The following ANKS1B variants were observed in gnomAD, a reference collection of about 807,000 sequenced individuals.
ANKS1B encodes ankyrin repeat and sterile alpha motif domain-containing protein 1B.
A neutral mutation model predicts 148.3 loss-of-function variants in ANKS1B; 36 were observed. The observed-to-expected ratio is 0.24, with a 90% CI of 0.19 to 0.32. ANKS1B has a LOEUF of 0.32. Among genes scored for constraint, ANKS1B ranks in the 10% least tolerant of loss-of-function variants. The probability of loss-of-function intolerance (pLI) is 1.00; values close to 1 mark genes in which losing one functional copy is unlikely to be tolerated. For synonymous variants in ANKS1B, 542 were observed against 560.8 expected, an observed-to-expected ratio of 0.97 and a Z score of 0.47; for missense variants, 1,157 against 1,542.6, an observed-to-expected ratio of 0.75 and a Z score of 4.19.
chr12:98,829,335 T>C lies in ANKS1B; in HGVS notation c.2905A>G (p.Thr969Ala), dbSNP rs1224773190. The stretch of plus-strand genomic sequence containing the variant: ...AGTGATGGAGACAACTGAGGAGGAG[T>C]GTGATTACCACTGGGTTCCTGAATG... ...ITLREPSGNHTPPQLSPSLSQ... is the reference protein window; with the variant it reads ...ITLREPSGNHAPPQLSPSLSQ... The change falls in exon 19 of 27, where the codon ACT (threonine) becomes GCT (alanine). Residue 969 changes from threonine to alanine, a missense_variant. Thr to Ala is a moderately conservative substitution (Grantham distance 58, BLOSUM62 0). Coordinates refer to ENST00000683438, the MANE Select transcript of ANKS1B (RefSeq NM_001352186.2). This position sits in a 1 kb window ranked among gnomAD's most constrained non-coding sequence, Gnocchi z 5.2. 6.2e-7 allele frequency: 1 copy of C among 1,613,606 alleles called. No homozygotes were observed. Among genetic ancestry groups the C allele is most frequent in the Non-Finnish European group, 8.5e-7 (1 of 1,179,736 alleles).
intron 12 of ANKS1B, among the ~76,000 whole-genome samples, chr12:99,378,471 T>C (rs1403380990): frequency 2.0e-5 from 3 of 151,622 alleles, no homozygotes; most frequent in Non-Finnish European, 2.9e-5. Context: ...CTGGCCAACA[T>C]GGTGAAACCC....
At chr12:99,812,055 C>T in intron 3 of ANKS1B, 100 bp downstream of exon 3, 2 of 1,389,678 alleles carry the variant, frequency 1.4e-6, no homozygotes, top group Non-Finnish European at 1.9e-6. Flanking sequence ...AATGGAAAGG[C>T]CTTTGGGCAA....
At chr12:99,040,931 T>A (rs1293712863) in intron 17 of ANKS1B, among the ~76,000 whole-genome samples, 1 of 151,968 alleles carries the variant, frequency 6.6e-6, no homozygotes, top group Non-Finnish European at 1.5e-5. Context: ...TAGCTCCGAG[T>A]CCCCAGTCTC....
intron 14 of ANKS1B, among the ~76,000 whole-genome samples, chr12:99,218,733 G>A (rs559147934): frequency 7.2e-5 from 11 of 152,158 alleles, no homozygotes; most frequent in African/African-American, 2.7e-4. Context: ...TCTGTAAAGT[G>A]GGAGTAACAC....
chr12:99,916,192 C>T (rs1413643622), intron 1 of ANKS1B, among the ~76,000 whole-genome samples: 2 of 152,186 alleles, frequency 1.3e-5, no homozygotes, highest in Non-Finnish European at 2.9e-5. Flanking sequence ...CAAGGGGAGG[C>T]TAAGTCCTCT....
chr12:98,847,544 T>C (rs2099487639), intron 17 of ANKS1B, among the ~76,000 whole-genome samples: 1 of 152,226 alleles, frequency 6.6e-6, no homozygotes, highest in South Asian at 2.1e-4. Flanking sequence ...CTTAGGACAT[T>C]GTGACTAATG....
chr12:98,915,544 GC>G (rs1368023069), intron 17 of ANKS1B, among the ~76,000 whole-genome samples: 1 of 152,044 alleles, frequency 6.6e-6, no homozygotes, highest in African/African-American at 2.4e-5. Flanking sequence ...GTAGGGACGG[GC>G]TTTCACCATG....
intron 15 of ANKS1B, among the ~76,000 whole-genome samples, chr12:99,122,221 T>C (rs1020496033): frequency 6.6e-6 from 1 of 152,142 alleles, no homozygotes; most frequent in African/African-American, 2.4e-5. Context: ...TGAGACTTAA[T>C]AGATAAATGT....
intron 15 of ANKS1B, among the ~76,000 whole-genome samples, chr12:99,116,033 A>G (rs894713058): frequency 3.3e-5 from 5 of 151,928 alleles, no homozygotes; most frequent in African/African-American, 1.2e-4. Context: ...TAGATTACTT[A>G]ATCTCTCTGT....
At chr12:99,930,095 G>A (rs1453459534) in intron 1 of ANKS1B, among the ~76,000 whole-genome samples, 1 of 151,738 alleles carries the variant, frequency 6.6e-6, no homozygotes, top group East Asian at 1.9e-4. Context: ...GGGCCGTATG[G>A]CCATTTTCAC....
chr12:99,358,867 A>G (rs993007064), intron 12 of ANKS1B, among the ~76,000 whole-genome samples: 2 of 152,154 alleles, frequency 1.3e-5, no homozygotes, highest in South Asian at 4.1e-4. Flanking sequence ...AGGTAGAACT[A>G]AACAAACAAG....
At chr12:99,904,425 C>T (rs1382727923) in intron 1 of ANKS1B, among the ~76,000 whole-genome samples, 1 of 152,168 alleles carries the variant, frequency 6.6e-6, no homozygotes, top group Middle Eastern at 3.2e-3. Flanking sequence ...TGCCTGACCT[C>T]AGGTGATCCG....
At chr12:99,699,284 TTTTC>T (rs1178320875) in intron 8 of ANKS1B, among the ~76,000 whole-genome samples, 1 of 152,142 alleles carries the variant, frequency 6.6e-6, no homozygotes, top group Non-Finnish European at 1.5e-5. Context: ...TCCATGTGTT[TTTTC>T]TTTCTAAAAT....
intron 12 of ANKS1B, among the ~76,000 whole-genome samples, chr12:99,326,216 C>T (rs1402283780): frequency 6.6e-6 from 1 of 152,008 alleles, no homozygotes; most frequent in African/African-American, 2.4e-5. Flanking sequence ...ACCATATCAA[C>T]CAGTCAAGAG....
intron 9 of ANKS1B, among the ~76,000 whole-genome samples, chr12:99,629,811 C>T (rs2098140949): frequency 1.3e-5 from 2 of 151,974 alleles, no homozygotes; most frequent in Admixed American, 1.3e-4. Flanking sequence ...ATGCTATGTG[C>T]TTTAAAAACA....
At chr12:99,583,336 T>C (rs2097589069) in intron 9 of ANKS1B, among the ~76,000 whole-genome samples, 2 of 152,188 alleles carry the variant, frequency 1.3e-5, no homozygotes, top group Admixed American at 1.3e-4. Flanking sequence ...AACTGTCATT[T>C]CTTAAAAGTA....
intron 10 of ANKS1B, among the ~76,000 whole-genome samples, chr12:99,490,240 A>G (rs1595788549): frequency 6.6e-6 from 1 of 152,222 alleles, no homozygotes; most frequent in African/African-American, 2.4e-5. Flanking sequence ...ATGAAAAGAG[A>G]TGGTTCTGAA....
intron 12 of ANKS1B, among the ~76,000 whole-genome samples, chr12:99,303,812 A>C (rs2081996158): frequency 6.6e-6 from 1 of 152,078 alleles, no homozygotes. Flanking sequence ...CCCAGAATTC[A>C]TTATATCATT....
At chr12:98,878,621 GGAGAGCAGGAA>G (rs2152479768) in intron 17 of ANKS1B, among the ~76,000 whole-genome samples, 1 of 152,256 alleles carries the variant, frequency 6.6e-6, no homozygotes, top group East Asian at 1.9e-4. Flanking sequence ...TGGGAGGACA[GGAGAGCAGGAA>G]GAGAGCAGGG....
Sources: gnomAD v4.1 joint callset for allele counts (sites outside exome capture counted in the v4.1 genomes callset) on GRCh38, gnomAD v4.1.1 for gene constraint, Gnocchi (gnomAD v3.1) non-coding constraint, MANE v1.5 for transcripts, NCBI Gene and HGNC (gene_info 2026-07-23, HGNC 2026-07-21) for gene names.